The following OSBPL10 variants were observed in gnomAD, a reference collection of about 807,000 sequenced individuals.
OSBPL10 encodes oxysterol binding protein like 10.
OSBPL10 carries 49 observed loss-of-function variants against 81.7 expected under a neutral mutation model. That is an observed-to-expected ratio of 0.60 (90% CI 0.48 to 0.76). The LOEUF is 0.76. Ranked by LOEUF, OSBPL10 falls within the 30% of genes least tolerant of loss-of-function variation. The pLI, the probability that OSBPL10 is intolerant of heterozygous loss-of-function variation, is 0.00. For synonymous variants in OSBPL10, 419 were observed against 383.6 expected (o/e 1.09, Z -1.08); for missense variants, 923 against 987.8 (o/e 0.93, Z 0.88).
chr3:31,700,622 C>T (rs544078922), intron 7 of OSBPL10, among the ~76,000 whole-genome samples: 1 of 152,264 alleles, frequency 6.6e-6, no homozygotes, highest in East Asian at 1.9e-4. Flanking sequence ...GTGGCCTGAC[C>T]TCCACTAAAT....
intron 2 of OSBPL10, chr3:31,990,333 A>G: frequency 6.2e-7 from 1 of 1,614,146 alleles, no homozygotes; most frequent in South Asian, 1.1e-5. Context: ...ATCATTGGAG[A>G]ATCCATAATG....
At chr3:31,828,536 C>T (rs577892573) in intron 4 of OSBPL10, among the ~76,000 whole-genome samples, 22 of 152,166 alleles carry the variant, frequency 1.4e-4, no homozygotes, top group Non-Finnish European at 1.5e-4. Flanking sequence ...GCTACTTTTT[C>T]TTTTTCTTTT....
intron 3 of OSBPL10, among the ~76,000 whole-genome samples, chr3:31,871,681 G>C (rs1212386438): frequency 1.3e-5 from 2 of 152,192 alleles, no homozygotes; most frequent in Non-Finnish European, 2.9e-5. Flanking sequence ...GAACAGCCTG[G>C]GCTATGTGGA....
chr3:31,764,099 G>A (rs1310050684), intron 4 of OSBPL10, among the ~76,000 whole-genome samples: 1 of 152,198 alleles, frequency 6.6e-6, no homozygotes, highest in Admixed American at 6.5e-5. Context: ...TTGCAAAAGA[G>A]CTAACCGCCC....
intron 5 of OSBPL10, among the ~76,000 whole-genome samples, chr3:31,734,262 C>T (rs10865836): frequency 0.37 from 56,075 of 151,994 alleles, 10,790 homozygotes; most frequent in East Asian, 0.6. Context: ...GATACCAATC[C>T]AGCAAACCAA....
chr3:31,747,856 C>T, intron 5 of OSBPL10, 54 bp downstream of exon 5: 1 of 1,536,370 alleles, frequency 6.5e-7, no homozygotes, highest in Non-Finnish European at 9.0e-7. Context: ...CAGTGGGACA[C>T]AGACACAGTG....
chr3:31,770,727 G>A (rs147545535), intron 4 of OSBPL10, among the ~76,000 whole-genome samples: 3,399 of 152,106 alleles, frequency 0.022, 56 homozygotes, highest in Non-Finnish European at 0.03. Flanking sequence ...CGGAGGTTGC[G>A]GTGAACCAAG....
At chr3:31,801,702 C>T (rs1699384549) in intron 4 of OSBPL10, among the ~76,000 whole-genome samples, 2 of 152,208 alleles carry the variant, frequency 1.3e-5, no homozygotes, top group Admixed American at 1.3e-4. Flanking sequence ...AGAAAGAAGC[C>T]ACGAATGCCT....
intron 3 of OSBPL10, among the ~76,000 whole-genome samples, chr3:31,830,662 C>T (rs911295664): frequency 3.9e-5 from 6 of 152,194 alleles, no homozygotes; most frequent in African/African-American, 1.2e-4. Flanking sequence ...CTGGCTTTCT[C>T]GGCCTCTCTG....
At chr3:32,007,116 T>C (rs1267400401) in intron 2 of OSBPL10, among the ~76,000 whole-genome samples, 5 of 152,278 alleles carry the variant, frequency 3.3e-5, no homozygotes, top group Middle Eastern at 3.4e-3. Context: ...TTTTGACATA[T>C]AGTACTTGGA....
chr3:31,853,031 T>C (rs1700808580), intron 3 of OSBPL10, among the ~76,000 whole-genome samples: 1 of 152,196 alleles, frequency 6.6e-6, no homozygotes, highest in South Asian at 2.1e-4. Flanking sequence ...TGCAATGCAC[T>C]GGAGTTCATA....
At chr3:31,787,698 C>G (rs569960910) in intron 4 of OSBPL10, among the ~76,000 whole-genome samples, 1 of 152,058 alleles carries the variant, frequency 6.6e-6, no homozygotes, top group African/African-American at 2.4e-5. Context: ...AGCAAGACAG[C>G]AGATCAAAGA....
At chr3:31,874,540 T>C (rs1701402879) in intron 3 of OSBPL10, among the ~76,000 whole-genome samples, 1 of 152,104 alleles carries the variant, frequency 6.6e-6, no homozygotes, top group African/African-American at 2.4e-5. Context: ...ATGAGCTTAA[T>C]AGAAAAACAA....
At chr3:31,845,680 T>C (rs150286022) in intron 3 of OSBPL10, among the ~76,000 whole-genome samples, 4 of 152,038 alleles carry the variant, frequency 2.6e-5, no homozygotes, top group Non-Finnish European at 4.4e-5. Context: ...ACAGCACACA[T>C]TATAAAGAGA....
intron 4 of OSBPL10, among the ~76,000 whole-genome samples, chr3:31,759,903 G>A (rs545109950): frequency 1.3e-5 from 2 of 152,038 alleles, no homozygotes; most frequent in South Asian, 4.2e-4. Context: ...GGAATTACAG[G>A]CATACACCAC....
At chr3:31,679,938 A>G (rs191943338) in intron 8 of OSBPL10, among the ~76,000 whole-genome samples, 1 of 152,170 alleles carries the variant, frequency 6.6e-6, no homozygotes, top group Non-Finnish European at 1.5e-5. Context: ...CCCTGCTTTC[A>G]ATAGGAAGAG....
At chr3:31,907,712 G>T (rs1696452846) in intron 1 of OSBPL10, among the ~76,000 whole-genome samples, 1 of 146,238 alleles carries the variant, frequency 6.8e-6, no homozygotes, top group Non-Finnish European at 1.5e-5. Flanking sequence ...CCAGATACTT[G>T]AATTTTTGGT....
intron 1 of OSBPL10, among the ~76,000 whole-genome samples, chr3:31,936,295 G>T (rs915865739): frequency 6.6e-6 from 1 of 152,102 alleles, no homozygotes; most frequent in African/African-American, 2.4e-5. Flanking sequence ...CTAGGGCTTA[G>T]CATTTATTTA....
At chr3:31,972,880 A>T (rs374342721) in intron 1 of OSBPL10, among the ~76,000 whole-genome samples, 115 of 152,310 alleles carry the variant, frequency 7.6e-4, no homozygotes, top group African/African-American at 2.6e-3. Flanking sequence ...CATGGTGCAA[A>T]TGCCTTCTCT....
Sources: allele counts gnomAD v4.1 joint callset (sites outside exome capture counted in the v4.1 genomes callset), GRCh38; gene constraint gnomAD v4.1.1; transcripts MANE v1.5; gene names NCBI Gene and HGNC (gene_info 2026-07-23, HGNC 2026-07-21).